FASN: variants seen among roughly 807,000 people sequenced by gnomAD.
FASN encodes fatty acid synthase.
FASN carries 50 observed loss-of-function variants against 250.0 expected under a neutral mutation model. That is an observed-to-expected ratio of 0.20 (90% CI 0.16 to 0.25). FASN has a LOEUF of 0.25. Among genes scored for constraint, FASN ranks in the 10% least tolerant of loss-of-function variants. The pLI, the probability that FASN is intolerant of heterozygous loss-of-function variation, is 1.00. For missense variants in FASN, 3,031 were observed against 3,498.5 expected (o/e 0.87, Z 3.37); for synonymous variants, 1,909 against 1,584.0 (o/e 1.21, Z -4.87).
At chr17:82,093,854 G>C (rs2034259299) in intron 3 of FASN, 83 bp from the exon 4 acceptor site, 2 of 1,435,196 alleles carry the variant, frequency 1.4e-6, no homozygotes, top group African/African-American at 1.4e-5. Flanking sequence ...TGGGGCGAAG[G>C]TCCCATCTTG....
In FASN at chr17:82,086,528, G is replaced by T; in HGVS notation, c.3458C>A (p.Thr1153Asn). 1 of 1,612,092 alleles carries T rather than the reference G, an allele frequency of 6.2e-7. No homozygotes were observed. ...CACCACCATCTTCAGCCCCTGCTGG[G>T]TCACCTTGGTCTGCAGTGCCTGCAC... is the stretch of plus-strand genomic sequence containing the variant. ...GLVQALQTKV[T>N]QQGLKMVVPG... is the part of the protein sequence containing the mutation. The change falls in exon 22 of 43, where the codon ACC (threonine) becomes AAC (asparagine). Residue 1153 changes from threonine (T) to asparagine (N), a missense_variant. By Grantham distance (65) the Thr-to-Asn change is moderately conservative. Transcript: ENST00000306749.
rs1393596716 is a variant in FASN, at chr17:82,081,800, C to T, written c.6207G>A (p.Leu2069=). ...TGTCGTTGGTGCTCATCGTCTCCAC[C>T]AAAATGCCCACGTCGCCGATGGCGC... ...QWGAIGDVGI[L]VETMSTNDTI... The change falls in exon 37 of 43, where the codon TTG becomes TTA. Residue 2069 remains leucine, a synonymous_variant. Transcript: ENST00000306749. 1.2e-6 allele frequency: 2 copies of T among 1,611,608 alleles called. No homozygotes were observed. The highest frequency in any genetic ancestry group is 8.5e-7 in the Non-Finnish European group (1 of 1,179,726).
chr17:82,084,141 C>G lies in FASN; in HGVS notation c.4932G>C (p.Glu1644Asp), dbSNP rs1263515054. 6.3e-7 allele frequency: 1 copy of G among 1,595,468 alleles called. No individual in the cohort carries two copies. Among genetic ancestry groups the G allele is most frequent in the East Asian group, 2.3e-5 (1 of 43,468 alleles). The change falls in exon 29 of 43, where the codon GAG becomes GAC. Residue 1644 changes from glutamate to aspartate, a missense_variant. Transcript: ENST00000306749. Reference protein sequence around the residue: ...WDVPSNWTLEEAASVPVVYST... With the variant: ...WDVPSNWTLEDAASVPVVYST... ...TGTAGACGACAGGCACCGAGGCCGC[C>G]TCCTCCAGCGTCCTGGGGATGCAGC...
Position 82,084,782 on chromosome 17 carries a change from C to T in FASN, c.4564+17G>A, listed in dbSNP as rs1439777742. On this transcript the variant is annotated intron_variant, in intron 26 of 42. Coordinates refer to ENST00000306749, the MANE Select transcript of FASN (RefSeq NM_004104.5). The stretch of plus-strand genomic sequence containing the variant: ...GTGCAGTCTCCCGGGAGGGGCAGGG[C>T]AGTGTCGGGGGCTCACCCTCCTCCA... The T allele has an allele frequency of 1.9e-6, 3 of 1,550,080 alleles. No individual in the cohort carries two copies. In the South Asian group the frequency reaches 3.6e-5, roughly 18 times the overall value.
In FASN at chr17:82,079,676, C is replaced by T. The variant is rs1049655156; in HGVS notation, c.7147-68G>A. ...CACCGGCCTGCCCTGTGCTACACTG[C>T]GGGTGGGCTTTTTTTTTTTGAGACG... On this transcript the variant is annotated intron_variant, in intron 41 of 42. Coordinates refer to ENST00000306749, the MANE Select transcript of FASN (RefSeq NM_004104.5). 4.3e-4 allele frequency: 653 copies of T among 1,525,696 alleles called. 4 individuals carry two copies. Among genetic ancestry groups the T allele is most frequent in the Non-Finnish European group, 2.2e-4 (256 of 1,147,060 alleles). 94.5% of individuals were successfully genotyped at this position (1,525,696 alleles called of 1,614,324 possible). A position where few individuals can be genotyped will look rare whatever the true frequency, so the allele number is the denominator to read the frequency against.
At position 82,087,871 on chromosome 17, in the gene FASN, G is replaced by A. The variant is rs911412184; in HGVS notation, c.2867-10C>T. On this transcript the variant is annotated splice_polypyrimidine_tract_variant and intron_variant, in intron 18 of 42. Transcript: ENST00000306749. Reference sequence around the variant, plus strand: ...CACTGGTACACCTTCCCTGTGGAAAGGGAGGTGCGGAAGGGCCTGAGGACG... The same window carrying A: ...CACTGGTACACCTTCCCTGTGGAAAAGGAGGTGCGGAAGGGCCTGAGGACG... 5 of 1,612,496 alleles carry A rather than the reference G, an allele frequency of 3.1e-6. No homozygotes were observed. The highest frequency in any genetic ancestry group is 3.3e-5 in the Admixed American group (2 of 59,998).
At chr17:82,091,760 C>G (rs548941013) in intron 8 of FASN, 76 bp from the exon 9 acceptor site, 7 of 1,346,496 alleles carry the variant, frequency 5.2e-6, no homozygotes, top group South Asian at 1.4e-5. Context: ...GGCACCTCCC[C>G]GAGACTCTCA....
rs2034059509 is a variant in FASN, at chr17:82,084,785, T to C, written c.4564+14A>G. 3 of 1,549,586 alleles carry C rather than the reference T, an allele frequency of 1.9e-6. No homozygotes were observed. The highest frequency in any genetic ancestry group is 2.0e-5 in the Admixed American group (1 of 50,988). On this transcript the variant is annotated intron_variant, in intron 26 of 42. Transcript: ENST00000306749. ...CAGTCTCCCGGGAGGGGCAGGGCAG[T>C]GTCGGGGGCTCACCCTCCTCCAGCA...
chr17:82,091,474 G>T lies in FASN; in HGVS notation c.1240C>A (p.Pro414Thr), dbSNP rs1376741615. 3.1e-6 allele frequency: 5 copies of T among 1,605,510 alleles called. No individual in the cohort carries two copies. Among genetic ancestry groups the T allele is most frequent in the Non-Finnish European group, 3.4e-6 (4 of 1,176,800 alleles). ...CGGGGCAGGGTGGCATGTGGGGCGGGTGCGGGGGGCGGCTGCGTGTTGGGC... is the reference window on the plus strand; with the variant it reads ...CGGGGCAGGGTGGCATGTGGGGCGGTTGCGGGGGGCGGCTGCGTGTTGGGC... ...LRPNTQPPPA[P>T]APHATLPRLL... Residue 414 changes from proline (P) to threonine (T), a missense_variant, in exon 9 of 43, where the codon CCC (proline) becomes ACC (threonine). By Grantham distance (38) the Pro-to-Thr change is conservative. Coordinates refer to ENST00000306749, the MANE Select transcript of FASN (RefSeq NM_004104.5).
intron 39 of FASN, 31 bp from the exon 40 acceptor site, chr17:82,080,621 T>G (rs2033970108): frequency 1.3e-6 from 2 of 1,551,756 alleles, no homozygotes; most frequent in Non-Finnish European, 1.7e-6. Flanking sequence ...ACTCAGCATG[T>G]GCAGGCGGCA....
rs374021258 is a variant in FASN at position 82,087,985 on chromosome 17, C to A, written c.2835G>T (p.Glu945Asp). ...VRLLEASRAF[E>D]VSENGNLVVS... ...CTACCAGGTTGCCGTTCTCTGACAC[C>A]TCGAAGGCACGGGAGGCCTCCAGGA... Residue 945 changes from glutamate to aspartate, a missense_variant, in exon 18 of 43, where the codon GAG becomes GAT. Transcript: ENST00000306749. The A allele has an allele frequency of 6.2e-7, 1 of 1,612,738 alleles. No individual in the cohort carries two copies. The highest frequency in any genetic ancestry group is 8.5e-7 in the Non-Finnish European group (1 of 1,179,974).
In FASN at chr17:82,078,975, G is replaced by C. The variant is rs1244788775; in HGVS notation, c.*168C>G. 1 of 808,052 alleles carries C rather than the reference G, an allele frequency of 1.2e-6. No individual in the cohort carries two copies. The highest frequency in any genetic ancestry group is 1.7e-5 in the African/African-American group (1 of 58,822). 50.1% of individuals were successfully genotyped at this position (808,052 alleles called of 1,614,324 possible). A position where few individuals can be genotyped will look rare whatever the true frequency, so the allele number is the denominator to read the frequency against. ...CCCGAGGTGCCGTGGGAGGCGGCGGGTGGGTGGGACATGCCTAACACCTAC... is the reference window on the plus strand; with the variant it reads ...CCCGAGGTGCCGTGGGAGGCGGCGGCTGGGTGGGACATGCCTAACACCTAC... On this transcript the variant is annotated 3_prime_UTR_variant, in exon 43 of 43. Transcript: ENST00000306749. The surrounding 1 kb of genome is among the most constrained non-coding windows in gnomAD (Gnocchi z 5.4).
rs1318103917 is a variant in FASN, at chr17:82,088,503, G to C, written c.2480C>G (p.Thr827Ser). The part of the protein sequence containing the change: ...PPVEFPAPRG[T>S]PLISPLIKWD... ...CTTGATGAGTGGGGAGATGAGGGGA[G>C]TTCCTCGGGGAGCTGGGAACTCCAC... The change falls in exon 16 of 43, where the codon ACT (threonine) becomes AGT (serine). Residue 827 changes from threonine to serine, a missense_variant. By Grantham distance (58) the Thr-to-Ser change is moderately conservative. Transcript: ENST00000306749. 6.2e-7 allele frequency: 1 copy of C among 1,608,954 alleles called. No individual in the cohort carries two copies. Among genetic ancestry groups the C allele is most frequent in the Non-Finnish European group, 8.5e-7 (1 of 1,177,106 alleles).
intron 3 of FASN, among the ~76,000 whole-genome samples, chr17:82,094,879 G>A (rs1598584907): frequency 1.3e-5 from 2 of 151,500 alleles, no homozygotes; most frequent in South Asian, 2.1e-4. Flanking sequence ...CCAGGCTGGC[G>A]GGAGAGGGTT....
Position 82,084,932 on chromosome 17 carries a change from G to A in FASN, c.4431C>T (p.Leu1477=). 6.4e-7 allele frequency: 1 copy of A among 1,555,206 alleles called. No homozygotes were observed. The highest frequency in any genetic ancestry group is 8.7e-7 in the Non-Finnish European group (1 of 1,149,538). Residue 1477 remains leucine (L), a synonymous_variant, in exon 26 of 43, where the codon CTC becomes CTT. Transcript: ENST00000306749. ...CCTCCGGGACGTGGGAGGTGCTGCT[G>A]AGGTTGGAGAGCAGCACACACCTGG... ...NRLRCVLLSN[L]SSTSHVPEVD...
Position 82,087,740 on chromosome 17 carries a change from C to T in FASN, c.2988G>A (p.Leu996=), listed in dbSNP as rs1318823797. ...AATGAGGGCCGTAGTCGTAGCCACG[C>T]AGACGCAGCTCCTTGTAAACTTCAG... ...AQAEVYKELR[L]RGYDYGPHFQ... Residue 996 remains leucine (L), a synonymous_variant, in exon 19 of 43, where the codon CTG becomes CTA. Coordinates refer to ENST00000306749, the MANE Select transcript of FASN (RefSeq NM_004104.5). 6.2e-7 allele frequency: 1 copy of T among 1,612,350 alleles called. No individual in the cohort carries two copies. The highest frequency in any genetic ancestry group is 2.2e-5 in the East Asian group (1 of 44,898).
rs1422897375 is a variant in FASN, at chr17:82,081,297, C to T, written c.6462G>A (p.Leu2154=). 2 of 1,559,452 alleles carry T rather than the reference C, an allele frequency of 1.3e-6. No individual in the cohort carries two copies. Among genetic ancestry groups the T allele is most frequent in the East Asian group, 4.8e-5 (2 of 42,072 alleles). Residue 2154 remains leucine (L), a synonymous_variant, in exon 38 of 43, where the codon CTG becomes CTA. Coordinates refer to ENST00000306749, the MANE Select transcript of FASN (RefSeq NM_004104.5). ...NLDSSLADLG[L]DSLMSVEVRQ... is the part of the protein sequence containing the mutation. ...GCACCTCCACGCTCATGAGCGAGTC[C>T]AGGCCCAGGTCCGCCAGTGAGCTGT...
rs2034036154 is a variant in FASN, at chr17:82,083,824, G to A, written c.5166C>T (p.Asn1722=). Reference sequence around the variant, plus strand: ...GCTGCTCGAAGGATGTGTCCCGGGAGTTGGCGAAGCTGGTGCTGTCGAGCT... The same window carrying A: ...GCTGCTCGAAGGATGTGTCCCGGGAATTGGCGAAGCTGGTGCTGTCGAGCT... ...FPQLDSTSFA[N]SRDTSFEQHV... Residue 1722 remains asparagine (N), a synonymous_variant, in exon 30 of 43, where the codon AAC becomes AAT. Transcript: ENST00000306749. 4 of 1,606,260 alleles carry A rather than the reference G, an allele frequency of 2.5e-6. No individual in the cohort carries two copies. Among genetic ancestry groups the A allele is most frequent in the Non-Finnish European group, 3.4e-6 (4 of 1,177,500 alleles).
At chr17:82,079,313 CCA>C in intron 42 of FASN, 33 bp from the exon 43 acceptor site, 1 of 1,613,026 alleles carries the variant, frequency 6.2e-7, no homozygotes, top group Non-Finnish European at 8.5e-7. Flanking sequence ...CCGTCCCACC[CCA>C]CTCCTGTCCC....
Sources: gnomAD v4.1 joint callset for allele counts (sites outside exome capture counted in the v4.1 genomes callset) on GRCh38, gnomAD v4.1.1 for gene constraint, Gnocchi (gnomAD v3.1) non-coding constraint, MANE v1.5 for transcripts, NCBI Gene and HGNC (gene_info 2026-07-23, HGNC 2026-07-21) for gene names.